The following KIF17 variants were observed in gnomAD, a reference collection of about 807,000 sequenced individuals.
The protein encoded by KIF17 is kinesin family member 17.
KIF17 carries 80 observed loss-of-function variants against 96.8 expected under a neutral mutation model. The observed-to-expected ratio is 0.83, with a 90% CI of 0.69 to 1.00. The LOEUF (loss-of-function observed/expected upper bound fraction) is 1.00, where lower values mean the gene tolerates loss of function less well. KIF17 is among the 50% of genes least tolerant of loss of function. The pLI, the probability that KIF17 is intolerant of heterozygous loss-of-function variation, is 0.00. For synonymous variants in KIF17, 567 were observed against 587.5 expected, an observed-to-expected ratio of 0.97 and a Z score of 0.51; for missense variants, 1,280 against 1,372.9, an observed-to-expected ratio of 0.93 and a Z score of 1.07.
chr1:20,682,735 T>A lies in KIF17; in HGVS notation c.2381A>T (p.Asp794Val). Residue 794 changes from aspartate to valine, a missense_variant, in exon 11 of 15, where the codon GAC (aspartate) becomes GTC (valine). Transcript: ENST00000400463. ...ALQNSDEDSGDWVLLNVYDSI... is the reference protein window; with the variant it reads ...ALQNSDEDSGVWVLLNVYDSI... ...GTCGTAGACGTTAAGCAGCACCCAGTCCCCGCTGTCCTCATCCGAGTTCTG... is the reference window on the plus strand; with the variant it reads ...GTCGTAGACGTTAAGCAGCACCCAGACCCCGCTGTCCTCATCCGAGTTCTG... 6.2e-7 allele frequency: 1 copy of A among 1,613,596 alleles called. No individual in the cohort carries two copies. Among genetic ancestry groups the A allele is most frequent in the African/African-American group, 1.3e-5 (1 of 75,028 alleles).
In KIF17 at chr1:20,670,439, G is replaced by A; in HGVS notation, c.2772C>T (p.Asp924=). 2 of 1,614,030 alleles carry A rather than the reference G, an allele frequency of 1.2e-6. No homozygotes were observed. The highest frequency in any genetic ancestry group is 2.2e-5 in the South Asian group (2 of 91,084). The part of the protein sequence containing the change: ...NKPARKTSAA[D]NGEPNMEDDR... Reference sequence around the variant, plus strand: ...TCCTCACCATGTTCGGCTCGCCATTGTCTGCTGCAGAGGTTTTGCGGGCTG... The same window carrying A: ...TCCTCACCATGTTCGGCTCGCCATTATCTGCTGCAGAGGTTTTGCGGGCTG... The change falls in exon 13 of 15, where the codon GAC becomes GAT. Residue 924 remains aspartate, a synonymous_variant. Transcript: ENST00000400463.
intron 13 of KIF17, among the ~76,000 whole-genome samples, chr1:20,667,449 A>G (rs1276854403): frequency 6.6e-6 from 1 of 152,220 alleles, no homozygotes; most frequent in Non-Finnish European, 1.5e-5. Flanking sequence ...TTCATTATAT[A>G]TTACAATGTA....
intron 6 of KIF17, chr1:20,693,635 G>T (rs610719): frequency 0.22 from 33,188 of 151,884 alleles, 3,708 homozygotes; most frequent in African/African-American, 0.26. Flanking sequence ...CCTTGGGAAA[G>T]ATTTCTTCTT....
At chr1:20,676,196 A>G (rs529312099) in intron 11 of KIF17, among the ~76,000 whole-genome samples, 1 of 152,206 alleles carries the variant, frequency 6.6e-6, no homozygotes, top group Non-Finnish European at 1.5e-5. Flanking sequence ...GAAGTTCTAG[A>G]AAAAAAACAT....
At chr1:20,705,489 C>T (rs1034946521) in intron 4 of KIF17, among the ~76,000 whole-genome samples, 1 of 152,200 alleles carries the variant, frequency 6.6e-6, no homozygotes, top group Admixed American at 6.5e-5. Context: ...TTAGAAGCCA[C>T]ATTTGCTCTT....
intron 6 of KIF17, among the ~76,000 whole-genome samples, chr1:20,697,792 T>C (rs2054167547): frequency 6.6e-6 from 1 of 152,188 alleles, no homozygotes; most frequent in African/African-American, 2.4e-5. Context: ...GAAGTCCCGC[T>C]CTGGGGATCA....
chr1:20,690,313 C>G lies in KIF17; in HGVS notation c.1256G>C (p.Arg419Pro), dbSNP rs527764404. ...IREEYEERLA[R>P]LKADYKAEQE... ...CTCGGCCTTATAGTCGGCTTTCAGC[C>G]GGGCCAGGCGCTCTTCATACTCCTG... Residue 419 changes from arginine (R) to proline (P), a missense_variant, in exon 7 of 15, where the codon CGG (arginine) becomes CCG (proline). By Grantham distance (103) the Arg-to-Pro change is moderately radical. Coordinates refer to ENST00000400463, the MANE Select transcript of KIF17 (RefSeq NM_001122819.3). 1 of 835,384 alleles carries G rather than the reference C, an allele frequency of 1.2e-6. No homozygotes were observed. The highest frequency in any genetic ancestry group is 1.8e-6 in the Non-Finnish European group (1 of 563,800). The allele number at this position is 835,384 out of a possible 1,614,324, so 51.7% of individuals were successfully genotyped here.
intron 5 of KIF17, among the ~76,000 whole-genome samples, chr1:20,701,159 C>T (rs146208505): frequency 6.6e-6 from 1 of 152,158 alleles, no homozygotes; most frequent in Non-Finnish European, 1.5e-5. Flanking sequence ...CGAGGCCAGG[C>T]GAGGTGGCTC....
chr1:20,715,049 T>C (rs2054553086), intron 2 of KIF17, among the ~76,000 whole-genome samples: 1 of 152,116 alleles, frequency 6.6e-6, no homozygotes, highest in Admixed American at 6.5e-5. Context: ...CAGAGTCCAG[T>C]CTCAACTTGG....
chr1:20,682,632 G>C, intron 11 of KIF17, 21 bp downstream of exon 11: 1 of 1,608,324 alleles, frequency 6.2e-7, no homozygotes, highest in Non-Finnish European at 8.5e-7. Flanking sequence ...CTGGGCATGG[G>C]GGGCTGCATC....
intron 13 of KIF17, 45 bp downstream of exon 13, chr1:20,670,376 C>A (rs755415009): frequency 4.3e-5 from 67 of 1,558,908 alleles, no homozygotes; most frequent in Non-Finnish European, 5.8e-5. Context: ...GGGGGCAAAG[C>A]CCTCCCAGCC....
rs114545284 is a variant in KIF17, at chr1:20,682,691, G to A, written c.2425C>T (p.Arg809Trp). Residue 809 changes from arginine (R) to tryptophan (W), a missense_variant, in exon 11 of 15, where the codon CGG (arginine) becomes TGG (tryptophan). Transcript: ENST00000400463. The part of the protein sequence containing the change: ...NVYDSIQEEV[R>W]AKSKLLEKMQ... ...TTCTCCAGCAGCTTGCTCTTGGCCC[G>A]CACTTCCTCCTGGATGGAGTCGTAG... 1.1e-5 allele frequency: 18 copies of A among 1,613,958 alleles called. No homozygotes were observed. Among genetic ancestry groups the A allele is most frequent in the Middle Eastern group, 3.3e-4 (2 of 6,060 alleles).
In KIF17 at chr1:20,707,787, A is replaced by ATGTGTGTGTGTG. The variant is rs3077930; in HGVS notation, c.670+1840_670+1851dup. ...CAAAAAAAAAAACAAACCAATGTGT[A>ATGTGTGTGTGTG]TGTGTGTGTGTGTGTGTGTGTGTGT... On this transcript the variant is annotated intron_variant, in intron 4 of 14. Transcript: ENST00000400463. Among the ~76,000 whole-genome samples, 416 of 124,548 alleles carry ATGTGTGTGTGTG rather than the reference A, an allele frequency of 3.3e-3. 5 individuals carry two copies. Among genetic ancestry groups the ATGTGTGTGTGTG allele is most frequent in the East Asian group, 5.3e-3 (23 of 4,344 alleles). 81.7% of individuals were successfully genotyped at this position (124,548 alleles called of 152,430 possible). A position where few individuals can be genotyped will look rare whatever the true frequency, so the allele number is the denominator to read the frequency against.
intron 5 of KIF17, among the ~76,000 whole-genome samples, chr1:20,702,927 C>G (rs1363189370): frequency 6.6e-6 from 1 of 152,250 alleles, no homozygotes; most frequent in African/African-American, 2.4e-5. Context: ...TCTGATTCAT[C>G]TCTGTGTATC....
chr1:20,716,712 G>A (rs2054584421), intron 1 of KIF17, among the ~76,000 whole-genome samples: 2 of 152,228 alleles, frequency 1.3e-5, no homozygotes, highest in African/African-American at 4.8e-5. Flanking sequence ...GGAAGGAAGA[G>A]AGGAGGCAAA....
chr1:20,686,076 G>A lies in KIF17; in HGVS notation c.1989C>T (p.Ala663=), dbSNP rs759270785. Reference sequence around the variant, plus strand: ...TGGGCGGGAAGTCATCAGCCGCCTCGGCTTCGGGCCTGGCATCACTGGGCT... The same window carrying A: ...TGGGCGGGAAGTCATCAGCCGCCTCAGCTTCGGGCCTGGCATCACTGGGCT... The part of the protein sequence containing the change: ...LLEPSDARPE[A]EAADDFPPRP... The change falls in exon 9 of 15, where the codon GCC becomes GCT. Residue 663 remains alanine (A), a synonymous_variant. Transcript: ENST00000400463. 7.7e-6 allele frequency: 12 copies of A among 1,562,814 alleles called. No individual in the cohort carries two copies. Among genetic ancestry groups the A allele is most frequent in the Admixed American group, 1.9e-5 (1 of 52,392 alleles).
intron 6 of KIF17, among the ~76,000 whole-genome samples, chr1:20,691,164 G>C (rs976841056): frequency 2.6e-5 from 4 of 151,864 alleles, no homozygotes; most frequent in African/African-American, 9.7e-5. Flanking sequence ...AAGCGTGGTG[G>C]CTTGCCTGTA....
rs1375614023 is a variant in KIF17 at position 20,676,020 on chromosome 1, T to A, written c.2464-3824A>T. Reference sequence around the variant, plus strand: ...GTGCCACTGCACTCCAGCCTGAGACTCTGTCTCAAAAAAAGGAAAAAGAAA... The same window carrying A: ...GTGCCACTGCACTCCAGCCTGAGACACTGTCTCAAAAAAAGGAAAAAGAAA... On this transcript the variant is annotated intron_variant, in intron 11 of 14. Transcript: ENST00000400463. Among the ~76,000 whole-genome samples the A allele has an allele frequency of 2.6e-5, 4 of 152,084 alleles. No homozygotes were observed. The East Asian group carries it at 5.8e-4, about 22-fold the overall frequency.
intron 13 of KIF17, among the ~76,000 whole-genome samples, chr1:20,669,744 C>T (rs2053604446): frequency 2.7e-5 from 4 of 146,006 alleles, no homozygotes; most frequent in South Asian, 2.2e-4. Context: ...TGGTGGTGCG[C>T]GCCTGTAGTC....
Sources: gnomAD v4.1 joint callset for allele counts (sites outside exome capture counted in the v4.1 genomes callset) on GRCh38, gnomAD v4.1.1 for gene constraint, MANE v1.5 for transcripts, NCBI Gene and HGNC (gene_info 2026-07-23, HGNC 2026-07-21) for gene names.